The following PCDHA1 variants were observed in gnomAD, a reference collection of about 807,000 sequenced individuals.
PCDHA1 encodes protocadherin alpha 1.
A neutral mutation model predicts 61.3 loss-of-function variants in PCDHA1; 42 were observed. The observed-to-expected ratio is 0.69, with a 90% confidence interval of 0.54 to 0.89. The LOEUF is 0.89. Ranked by LOEUF, PCDHA1 falls within the 40% of genes least tolerant of loss-of-function variation. PCDHA1 has a pLI of 0.00. For synonymous variants in PCDHA1, 610 were observed against 553.8 expected, an observed-to-expected ratio of 1.10 and a Z score of -1.43; for missense variants, 1,256 against 1,235.3, an observed-to-expected ratio of 1.02 and a Z score of -0.25.
At chr5:140,819,720 A>G (rs1477591315) in intron 1 of PCDHA1, among the ~76,000 whole-genome samples, 2 of 152,136 alleles carry the variant, frequency 1.3e-5, no homozygotes, top group Non-Finnish European at 2.9e-5. Context: ...ATATAATTTA[A>G]CAGATATGAA....
At chr5:140,848,383 C>A in intron 1 of PCDHA1, 1 of 1,197,372 alleles carries the variant, frequency 8.4e-7, no homozygotes, top group Non-Finnish European at 1.2e-6. Flanking sequence ...TTCTTTTTCA[C>A]TCTCTCTGTG....
At position 140,858,022 on chromosome 5, in the gene PCDHA1, G is replaced by T; in HGVS notation, c.2394+69338G>T. 2.5e-6 allele frequency: 4 copies of T among 1,597,054 alleles called. 1 individual carries two copies. The highest frequency in any genetic ancestry group is 1.3e-5 in the African/African-American group (1 of 74,416). On this transcript the variant is annotated intron_variant, in intron 1 of 3. Transcript: ENST00000504120. The stretch of plus-strand genomic sequence containing the variant: ...TGAAGGACCATGGCGAGCCGTCGCT[G>T]ACGGCCACGGCCACTGTGCTTGTGT...
At chr5:140,967,272 T>C in intron 1 of PCDHA1, 2 of 1,613,412 alleles carry the variant, frequency 1.2e-6, no homozygotes, top group Non-Finnish European at 1.7e-6. Flanking sequence ...CGCTTTCACA[T>C]AGAGAGTGCG....
intron 1 of PCDHA1, among the ~76,000 whole-genome samples, chr5:140,938,996 A>C (rs1212565184): frequency 2.6e-5 from 4 of 152,206 alleles, no homozygotes; most frequent in Non-Finnish European, 4.4e-5. Context: ...TTATATAGTA[A>C]GTTAAGAAGT....
intron 1 of PCDHA1, among the ~76,000 whole-genome samples, chr5:140,872,587 A>AC (rs777810037): frequency 6.0e-4 from 91 of 152,014 alleles, no homozygotes; most frequent in Middle Eastern, 3.4e-3. Flanking sequence ...TCATCGTGAG[A>AC]CCCCCATCTG....
intron 1 of PCDHA1, among the ~76,000 whole-genome samples, chr5:140,925,533 A>C (rs1334031760): frequency 1.3e-5 from 2 of 152,062 alleles, no homozygotes; most frequent in Non-Finnish European, 2.9e-5. Flanking sequence ...AAGCGAGGAG[A>C]AATACCTAAT....
intron 3 of PCDHA1, 155 bp downstream of exon 3, chr5:140,982,718 T>A: frequency 1.1e-6 from 1 of 924,050 alleles, no homozygotes; most frequent in Non-Finnish European, 1.3e-6. Flanking sequence ...CATATATGAT[T>A]ATTTTGATTT....
intron 1 of PCDHA1, chr5:140,877,758 G>A (rs782480713): frequency 1.2e-6 from 2 of 1,614,190 alleles, no homozygotes; most frequent in Non-Finnish European, 1.7e-6. Flanking sequence ...GCTCTGCAGA[G>A]AGCCCGCCCA....
At chr5:140,865,067 T>C (rs2048722686) in intron 1 of PCDHA1, 1 of 152,340 alleles carries the variant, frequency 6.6e-6, no homozygotes, top group South Asian at 2.1e-4. Context: ...ATAACTTAAG[T>C]ATAAGAACCA....
chr5:140,985,841 G>A (rs2097174040), intron 3 of PCDHA1, among the ~76,000 whole-genome samples: 1 of 145,238 alleles, frequency 6.9e-6, no homozygotes, highest in Admixed American at 7.3e-5. Context: ...CCGGGTTCAT[G>A]CCACTCTCCT....
chr5:140,830,065 G>T (rs1274600661), intron 1 of PCDHA1: 1 of 1,613,614 alleles, frequency 6.2e-7, no homozygotes, highest in African/African-American at 1.3e-5. Context: ...GTGAGCCGGC[G>T]CTGACAGCGA....
chr5:140,942,572 C>A (rs2093326271), intron 1 of PCDHA1, among the ~76,000 whole-genome samples: 1 of 151,292 alleles, frequency 6.6e-6, no homozygotes, highest in Non-Finnish European at 1.5e-5. Flanking sequence ...AAAAATCTTC[C>A]CATATAGGAT....
At chr5:140,856,152 A>T in intron 1 of PCDHA1, 1 of 1,598,182 alleles carries the variant, frequency 6.3e-7, no homozygotes, top group Non-Finnish European at 8.6e-7. Flanking sequence ...TACTCAGTCT[A>T]CGAGGAGGCC....
intron 1 of PCDHA1, chr5:140,808,738 G>A (rs571920804): frequency 3.1e-6 from 5 of 1,612,146 alleles, no homozygotes; most frequent in East Asian, 2.2e-5. Context: ...GCGGCAAGGT[G>A]TACGCGCTGC....
chr5:140,805,240 C>T, intron 1 of PCDHA1: 2 of 1,345,592 alleles, frequency 1.5e-6, no homozygotes, highest in Non-Finnish European at 1.9e-6. Context: ...CATTCCCCAT[C>T]TGTACATTAA....
intron 1 of PCDHA1, among the ~76,000 whole-genome samples, chr5:140,972,732 C>T (rs2096552874): frequency 1.3e-5 from 2 of 149,646 alleles, no homozygotes; most frequent in Non-Finnish European, 3.0e-5. Flanking sequence ...GGCGTAATCC[C>T]GGCTCACTGC....
intron 1 of PCDHA1, chr5:140,828,273 C>A (rs2150153408): frequency 2.5e-6 from 4 of 1,614,046 alleles, no homozygotes; most frequent in South Asian, 1.1e-5. Flanking sequence ...GAGCTGGTGC[C>A]GCGCCTGTTC....
intron 1 of PCDHA1, among the ~76,000 whole-genome samples, chr5:140,837,576 C>T (rs2150276796): frequency 1.3e-5 from 2 of 151,950 alleles, no homozygotes; most frequent in African/African-American, 4.8e-5. Flanking sequence ...TTACAATCAC[C>T]AAATTGTAAA....
chr5:140,971,202 C>T (rs1486022070), intron 1 of PCDHA1, among the ~76,000 whole-genome samples: 1 of 152,156 alleles, frequency 6.6e-6, no homozygotes, highest in Non-Finnish European at 1.5e-5. Context: ...AGGAAAGACA[C>T]TGTTACCCTC....
Sources: gnomAD v4.1 joint callset for allele counts (sites outside exome capture counted in the v4.1 genomes callset) on GRCh38, gnomAD v4.1.1 for gene constraint, MANE v1.5 for transcripts, NCBI Gene and HGNC (gene_info 2026-07-23, HGNC 2026-07-21) for gene names.